Variants in CPEB2 observed in about 807,000 individuals in gnomAD.
CPEB2 encodes cytoplasmic polyadenylation element binding protein 2.
Under a neutral mutation model 93.6 loss-of-function variants are expected in CPEB2, and 56 were observed. The ratio of observed to expected loss-of-function variants is 0.60; its 90% CI spans 0.48 to 0.75. The LOEUF (loss-of-function observed/expected upper bound fraction) is 0.75. Among genes scored for constraint, CPEB2 ranks in the 30% least tolerant of loss-of-function variants. CPEB2 has a pLI of 0.00. For synonymous variants in CPEB2, 764 were observed against 586.3 expected (o/e 1.30, Z -4.38); for missense variants, 1,579 against 1,395.1 (o/e 1.13, Z -2.10).
intron 8 of CPEB2, 88 bp downstream of exon 8, chr4:15,054,305 C>A: frequency 1.2e-6 from 1 of 865,206 alleles, no homozygotes; most frequent in South Asian, 1.5e-5. Context: ...AGTTAGGAAT[C>A]ATAAGAGACT....
rs376443106 is a variant in CPEB2, at chr4:15,008,385, A to G, written c.1992A>G (p.Gln664=). ...QLPAWGSDSL[Q]DSWCTAAGTS... ...CAGCTTGGGGCTCAGATTCACTCCAAGATAGTTGGTGCACTGCAGCCGGAA... is the reference window on the plus strand; with the variant it reads ...CAGCTTGGGGCTCAGATTCACTCCAGGATAGTTGGTGCACTGCAGCCGGAA... The change falls in exon 3 of 12, where the codon CAA becomes CAG. Residue 664 remains glutamine, a synonymous_variant. Transcript: ENST00000538197. 9.3e-6 allele frequency: 15 copies of G among 1,613,832 alleles called. No homozygotes were observed. In the African/African-American group the frequency reaches 1.2e-4, roughly 13 times the overall value.
rs1722209380 is a variant in CPEB2 at position 15,003,145 on chromosome 4, T to TGCC, written c.475_477dup (p.Arg159dup). 2 of 1,533,240 alleles carry TGCC rather than the reference T, an allele frequency of 1.3e-6. No individual in the cohort carries two copies. Among genetic ancestry groups the TGCC allele is most frequent in the Non-Finnish European group, 8.7e-7 (1 of 1,145,782 alleles). 95.0% of individuals were successfully genotyped at this position (1,533,240 alleles called of 1,614,324 possible). On this transcript the variant is annotated inframe_insertion, in exon 1 of 12. Coordinates refer to ENST00000538197, the MANE Select transcript of CPEB2 (RefSeq NM_001177382.2). ...CTCCTCCGCCTCCTCCTGCTGCTGC[T>TGCC]GCCGCACCTCCTCCCCGCAGGACTT...
At chr4:15,030,436 T>C (rs1484688206) in intron 4 of CPEB2, among the ~76,000 whole-genome samples, 1 of 152,070 alleles carries the variant, frequency 6.6e-6, no homozygotes, top group East Asian at 1.9e-4. Flanking sequence ...AAGATAATAA[T>C]ACCTAACTCA....
Position 15,003,649 on chromosome 4 carries a change from A to G in CPEB2, c.976A>G (p.Ser326Gly). ...SPNHPLLNSPSNLLPGGALGA... is the reference protein window; with the variant it reads ...SPNHPLLNSPGNLLPGGALGA... ...CAACCACCCTCTGCTCAACAGTCCC[A>G]GTAACCTCCTGCCCGGAGGTGCGCT... is the stretch of plus-strand genomic sequence containing the variant. The change falls in exon 1 of 12, where the codon AGT becomes GGT. Residue 326 changes from serine (S) to glycine (G), a missense_variant. Ser to Gly is a moderately conservative substitution (Grantham distance 56). Transcript: ENST00000538197. The G allele has an allele frequency of 6.8e-7, 1 of 1,478,822 alleles. No individual in the cohort carries two copies. The highest frequency in any genetic ancestry group is 8.9e-7 in the Non-Finnish European group (1 of 1,118,842). The allele number at this position is 1,478,822 out of a possible 1,614,324, so 91.6% of individuals were successfully genotyped here.
At chr4:15,033,737 A>T (rs991723747) in intron 5 of CPEB2, among the ~76,000 whole-genome samples, 1 of 152,228 alleles carries the variant, frequency 6.6e-6, no homozygotes, top group African/African-American at 2.4e-5. Flanking sequence ...AAATTTCATT[A>T]AAGTTAGTTT....
intron 4 of CPEB2, among the ~76,000 whole-genome samples, chr4:15,027,513 A>G (rs1399840502): frequency 1.3e-5 from 2 of 152,300 alleles, no homozygotes; most frequent in Admixed American, 1.3e-4. Flanking sequence ...GGATCTGAGC[A>G]GAGATTGGAG....
rs1477969520 is a variant in CPEB2 at position 15,004,278 on chromosome 4, G to A, written c.1605G>A (p.Gln535=). 4.0e-5 allele frequency: 59 copies of A among 1,492,296 alleles called. No individual in the cohort carries two copies. The highest frequency in any genetic ancestry group is 4.9e-5 in the Non-Finnish European group (55 of 1,128,764). The allele number at this position is 1,492,296 out of a possible 1,614,324, so 92.4% of individuals were successfully genotyped here. A position where few individuals can be genotyped will look rare whatever the true frequency, so the allele number is the denominator to read the frequency against. The change falls in exon 1 of 12, where the codon CAG becomes CAA. Residue 535 remains glutamine, a synonymous_variant. Transcript: ENST00000538197. The stretch of plus-strand genomic sequence containing the variant: ...CCGTCAGCCCGCAGCTCCAGCAGCA[G>A]CACCAGGCGGCGGCCGCCGCCTTCC... ...RSPVSPQLQQ[Q]HQAAAAAFLQ...
chr4:15,033,488 G>T (rs1410701525), intron 5 of CPEB2, among the ~76,000 whole-genome samples: 2 of 152,162 alleles, frequency 1.3e-5, no homozygotes, highest in Non-Finnish European at 2.9e-5. Context: ...TATGACCTTG[G>T]ACAGATTACT....
chr4:15,067,200 T>G lies in CPEB2; in HGVS notation c.*820T>G, dbSNP rs1729764006. On this transcript the variant is annotated 3_prime_UTR_variant, in exon 12 of 12. Transcript: ENST00000538197. ...AGGTATTGCAAATGTTCAAAAAAGC[T>G]CTCTTGAATCTAGGTAGCATGAACA... 6.6e-6 allele frequency: 1 copy of G among 152,498 alleles called. No individual in the cohort carries two copies. Among genetic ancestry groups the G allele is most frequent in the African/African-American group, 2.4e-5 (1 of 41,434 alleles). 9.4% of individuals were successfully genotyped at this position (152,498 alleles called of 1,614,324 possible).
chr4:15,014,695 T>C lies in CPEB2; in HGVS notation c.2035-2493T>C, dbSNP rs544948783. ...TTTTTTTACATTTTTTATTGAGTTT[T>C]TATGGTAGAGATAAAGAAGTATTCA... On this transcript the variant is annotated intron_variant, in intron 3 of 11. Coordinates refer to ENST00000538197, the MANE Select transcript of CPEB2 (RefSeq NM_001177382.2). Among the ~76,000 whole-genome samples the C allele has an allele frequency of 5.4e-4, 82 of 152,130 alleles. 2 individuals carry two copies. The Middle Eastern group carries it at 0.014, about 25-fold the overall frequency.
chr4:15,052,424 C>T lies in CPEB2; in HGVS notation c.2211C>T (p.Ser737=), dbSNP rs748488092. 2.0e-5 allele frequency: 30 copies of T among 1,499,122 alleles called. No individual in the cohort carries two copies. Among genetic ancestry groups the T allele is most frequent in the African/African-American group, 2.8e-5 (2 of 71,034 alleles). 92.9% of individuals were successfully genotyped at this position (1,499,122 alleles called of 1,614,324 possible). ...RSYGRRRGRS[S]LFPIDDGLLD... is the part of the protein sequence containing the mutation. ...TGTTCTTTATTCTAGGTCGTTCTTCCCTCTTTCCAATAGATGATGGCTTGC... is the reference window on the plus strand; with the variant it reads ...TGTTCTTTATTCTAGGTCGTTCTTCTCTCTTTCCAATAGATGATGGCTTGC... The change falls in exon 7 of 12, where the codon TCC becomes TCT. Residue 737 remains serine (S), a synonymous_variant. Transcript: ENST00000538197.
At chr4:15,040,327 T>C in intron 5 of CPEB2, 137 bp from the exon 6 acceptor site, 1 of 677,270 alleles carries the variant, frequency 1.5e-6, no homozygotes, top group East Asian at 2.7e-5. Flanking sequence ...TCTTATATGG[T>C]GACATTGTCA....
chr4:15,003,862 C>A lies in CPEB2; in HGVS notation c.1189C>A (p.Pro397Thr). Reference sequence around the variant, plus strand: ...GTCGCCGCCACCCCAGCCCCAGCAGCCGCCGCCGACCCAGCCGCAGCAGCA... The same window carrying A: ...GTCGCCGCCACCCCAGCCCCAGCAGACGCCGCCGACCCAGCCGCAGCAGCA... Reference protein sequence around the residue: ...TASPPPQPQQPPPTQPQQQPP... With the variant: ...TASPPPQPQQTPPTQPQQQPP... Residue 397 changes from proline (P) to threonine (T), a missense_variant, in exon 1 of 12, where the codon CCG becomes ACG. By Grantham distance (38) the Pro-to-Thr change is conservative. Coordinates refer to ENST00000538197, the MANE Select transcript of CPEB2 (RefSeq NM_001177382.2). 2.4e-6 allele frequency: 2 copies of A among 844,914 alleles called. No homozygotes were observed. Among genetic ancestry groups the A allele is most frequent in the Non-Finnish European group, 1.6e-6 (1 of 640,664 alleles). 52.3% of individuals were successfully genotyped at this position (844,914 alleles called of 1,614,324 possible).
At chr4:15,013,661 A>G (rs1055636011) in intron 3 of CPEB2, among the ~76,000 whole-genome samples, 2 of 152,064 alleles carry the variant, frequency 1.3e-5, no homozygotes, top group Non-Finnish European at 2.9e-5. Flanking sequence ...GGAATTATCA[A>G]TATCTTTTGC....
At chr4:15,064,247 G>C (rs1471673736) in intron 11 of CPEB2, among the ~76,000 whole-genome samples, 1 of 152,054 alleles carries the variant, frequency 6.6e-6, no homozygotes, top group East Asian at 1.9e-4. Flanking sequence ...TCTAGTAAAT[G>C]TTAGAAAATA....
Position 15,058,078 on chromosome 4 carries a change from A to G in CPEB2, c.2462-343A>G, listed in dbSNP as rs1017652558. 9.5e-4 allele frequency among the ~76,000 whole-genome samples: 144 copies of G among 152,234 alleles called. 2 individuals are homozygous for G. Among genetic ancestry groups the G allele is most frequent in the African/African-American group, 3.1e-3 (130 of 41,554 alleles). On this transcript the variant is annotated intron_variant, in intron 8 of 11. Coordinates refer to ENST00000538197, the MANE Select transcript of CPEB2 (RefSeq NM_001177382.2). ...GCTGACCTCGGTTTGAAATTATTCA[A>G]CCATTTACTATGAGACTGACTTTGG...
At chr4:15,048,980 A>G (rs541646951) in intron 6 of CPEB2, among the ~76,000 whole-genome samples, 1 of 152,058 alleles carries the variant, frequency 6.6e-6, no homozygotes, top group African/African-American at 2.4e-5. Flanking sequence ...TCTTCTTTTA[A>G]ATGAGTATTT....
At chr4:15,018,516 G>T (rs530669792) in intron 4 of CPEB2, among the ~76,000 whole-genome samples, 1 of 150,352 alleles carries the variant, frequency 6.7e-6, no homozygotes, top group Non-Finnish European at 1.5e-5. Context: ...CCAAAGTTCA[G>T]CTTAGTTTTT....
At chr4:15,013,608 G>GT (rs1723762295) in intron 3 of CPEB2, among the ~76,000 whole-genome samples, 2 of 151,962 alleles carry the variant, frequency 1.3e-5, no homozygotes, top group South Asian at 2.1e-4. Flanking sequence ...ATTTGTTTCT[G>GT]TTTTTTCAGA....
Sources: gnomAD v4.1 joint callset for allele counts (sites outside exome capture counted in the v4.1 genomes callset) on GRCh38, gnomAD v4.1.1 for gene constraint, MANE v1.5 for transcripts, NCBI Gene and HGNC (gene_info 2026-07-23, HGNC 2026-07-21) for gene names.